Variants in SLC24A2 observed in about 807,000 individuals in gnomAD.
SLC24A2 encodes the protein sodium/potassium/calcium exchanger 2.
SLC24A2 carries 36 observed loss-of-function variants against 62.0 expected under a neutral mutation model. The ratio of observed to expected loss-of-function variants is 0.58; its 90% CI spans 0.44 to 0.77. The LOEUF (loss-of-function observed/expected upper bound fraction) is 0.77. Ranked by LOEUF, SLC24A2 falls within the 30% of genes least tolerant of loss-of-function variation. SLC24A2 has a pLI of 0.00. For synonymous variants in SLC24A2, 358 were observed against 294.0 expected (o/e 1.22, Z -2.23); for missense variants, 846 against 817.9 (o/e 1.03, Z -0.42).
chr9:20,261,959 T>TAGTCAG, the SLC24A2 span, among the ~76,000 whole-genome samples: 8 of 151,962 alleles, frequency 5.3e-5, no homozygotes, highest in Non-Finnish European at 1.0e-4. Context: ...AGGATGGTCT[T>TAGTCAG]GATCTCCTGA....
the SLC24A2 span, among the ~76,000 whole-genome samples, chr9:19,961,827 A>G: frequency 6.6e-6 from 1 of 152,074 alleles, no homozygotes; most frequent in East Asian, 1.9e-4. Flanking sequence ...CCATGTGATG[A>G]AAAACTAAAG....
the SLC24A2 span, among the ~76,000 whole-genome samples, chr9:20,061,093 A>G: frequency 1.3e-5 from 2 of 152,222 alleles, no homozygotes; most frequent in Non-Finnish European, 2.9e-5. Flanking sequence ...TTCAAGGATT[A>G]TAAAAATTGA....
Position 19,541,161 on chromosome 9 carries a change from G to A in SLC24A2, c.1479+8976C>T, listed in dbSNP as rs1331149004. Among the ~76,000 whole-genome samples, 41 of 110,108 alleles carry A rather than the reference G, an allele frequency of 3.7e-4. No individual in the cohort carries two copies. In the East Asian group the frequency reaches 8.9e-3, roughly 24 times the overall value. The allele number at this position is 110,108 out of a possible 152,430, so 72.2% of individuals were successfully genotyped here. A position where few individuals can be genotyped will look rare whatever the true frequency, so the allele number is the denominator to read the frequency against. ...TTGCCTTTGGTTTGAATGTCCTCCC[G>A]TAGCTCAGAGTAATTTGATCGTCTG... On this transcript the variant is annotated intron_variant, in intron 8 of 10. Coordinates refer to ENST00000341998, the MANE Select transcript of SLC24A2 (RefSeq NM_020344.4).
chr9:20,114,365 T>A, the SLC24A2 span, among the ~76,000 whole-genome samples: 1 of 152,136 alleles, frequency 6.6e-6, no homozygotes, highest in South Asian at 2.1e-4. Context: ...TATCAGGTAA[T>A]CACCTCAGTT....
the SLC24A2 span, among the ~76,000 whole-genome samples, chr9:20,125,728 T>C: frequency 1.2e-4 from 19 of 152,094 alleles, no homozygotes; most frequent in Non-Finnish European, 7.4e-5. Context: ...GTGGTGAGGG[T>C]TGTGGAAACT....
the SLC24A2 span, among the ~76,000 whole-genome samples, chr9:20,004,482 G>C: frequency 6.6e-6 from 1 of 152,198 alleles, no homozygotes; most frequent in African/African-American, 2.4e-5. Context: ...AATCCATCCA[G>C]TTAATAACAG....
chr9:19,641,169 T>A (rs913778267), intron 2 of SLC24A2, among the ~76,000 whole-genome samples: 6 of 152,238 alleles, frequency 3.9e-5, no homozygotes, highest in Non-Finnish European at 7.3e-5. Context: ...CTACGTGACA[T>A]CTCAGCATTT....
chr9:19,975,626 G>A, the SLC24A2 span, among the ~76,000 whole-genome samples: 2 of 152,202 alleles, frequency 1.3e-5, no homozygotes, highest in East Asian at 3.8e-4. Context: ...ATCCAAAACA[G>A]ATGATTCATT....
At chr9:19,580,243 C>A (rs1413393778) in intron 5 of SLC24A2, among the ~76,000 whole-genome samples, 1 of 152,262 alleles carries the variant, frequency 6.6e-6, no homozygotes. Context: ...GACCTGGCAG[C>A]CATTCCACAT....
At chr9:19,743,255 G>C (rs1005795874) in intron 2 of SLC24A2, among the ~76,000 whole-genome samples, 2 of 152,128 alleles carry the variant, frequency 1.3e-5, no homozygotes, top group African/African-American at 4.8e-5. Flanking sequence ...TATGTCATAG[G>C]GTTAGTCAGT....
At chr9:20,161,401 A>G in the SLC24A2 span, among the ~76,000 whole-genome samples, 3 of 151,418 alleles carry the variant, frequency 2.0e-5, no homozygotes, top group Admixed American at 1.3e-4. Context: ...TTGATACAGG[A>G]ACCTGATTTT....
At chr9:19,659,149 G>A (rs1819022372) in intron 2 of SLC24A2, among the ~76,000 whole-genome samples, 1 of 152,142 alleles carries the variant, frequency 6.6e-6, no homozygotes, top group African/African-American at 2.4e-5. Flanking sequence ...GAAGATGGTG[G>A]TGGAAGACAG....
chr9:19,803,500 G>A, the SLC24A2 span, among the ~76,000 whole-genome samples: 3 of 152,202 alleles, frequency 2.0e-5, no homozygotes, highest in Admixed American at 1.3e-4. Flanking sequence ...GTAACGTTAG[G>A]GAGAAAGTCT....
At chr9:20,226,737 T>G in the SLC24A2 span, among the ~76,000 whole-genome samples, 1 of 152,182 alleles carries the variant, frequency 6.6e-6, no homozygotes, top group Non-Finnish European at 1.5e-5. Context: ...CCATCTGTCT[T>G]TATTTTAAAT....
At chr9:20,220,287 C>A in the SLC24A2 span, among the ~76,000 whole-genome samples, 86 of 152,114 alleles carry the variant, frequency 5.7e-4, no homozygotes, top group Admixed American at 5.4e-3. Flanking sequence ...ACTCTGACTA[C>A]TTTCGGCCCT....
the SLC24A2 span, among the ~76,000 whole-genome samples, chr9:20,142,221 T>TA: frequency 2.4e-4 from 37 of 152,192 alleles, no homozygotes; most frequent in Non-Finnish European, 4.4e-4. Context: ...CAGGAAAGAA[T>TA]ACTTACCTGC....
At chr9:19,769,868 G>T (rs778021452) in intron 2 of SLC24A2, among the ~76,000 whole-genome samples, 4 of 151,978 alleles carry the variant, frequency 2.6e-5, no homozygotes, top group African/African-American at 7.2e-5. Context: ...TTGTGTCTGT[G>T]GGGGGTTGCC....
chr9:20,259,038 G>C, the SLC24A2 span, among the ~76,000 whole-genome samples: 1 of 152,262 alleles, frequency 6.6e-6, no homozygotes, highest in South Asian at 2.1e-4. Flanking sequence ...GAGAGAGTCA[G>C]AGGGAAATGA....
the SLC24A2 span, among the ~76,000 whole-genome samples, chr9:20,236,778 G>A: frequency 1.1e-4 from 17 of 152,080 alleles, no homozygotes; most frequent in South Asian, 4.1e-4. Flanking sequence ...CACCTGCGGC[G>A]GGTGGAACTG....
Sources: gnomAD v4.1 joint callset for allele counts (sites outside exome capture counted in the v4.1 genomes callset) on GRCh38, gnomAD v4.1.1 for gene constraint, MANE v1.5 for transcripts, NCBI Gene and HGNC (gene_info 2026-07-23, HGNC 2026-07-21) for gene names.